Variants in LARGE1 observed in about 807,000 individuals in gnomAD.
The protein encoded by LARGE1 is xylosyl- and glucuronyltransferase LARGE1.
LARGE1 carries 43 observed loss-of-function variants against 87.6 expected under a neutral mutation model. The observed-to-expected ratio is 0.49, with a 90% CI of 0.38 to 0.63. The LOEUF (loss-of-function observed/expected upper bound fraction) is 0.63. Among genes scored for constraint, LARGE1 ranks in the 30% least tolerant of loss-of-function variants. The pLI, the probability that LARGE1 is intolerant of heterozygous loss-of-function variation, is 0.00. For synonymous variants in LARGE1, 434 were observed against 394.6 expected (o/e 1.10, Z -1.18); for missense variants, 802 against 1,000.2 (o/e 0.80, Z 2.67).
intron 1 of LARGE1, among the ~76,000 whole-genome samples, chr22:33,798,484 G>A (rs1033771109): frequency 6.6e-6 from 1 of 152,164 alleles, no homozygotes; most frequent in East Asian, 1.9e-4. Flanking sequence ...GGATCCCGAC[G>A]GCTTGAAAGG....
intron 5 of LARGE1, among the ~76,000 whole-genome samples, chr22:33,575,799 G>C (rs1239591166): frequency 6.6e-6 from 1 of 152,126 alleles, no homozygotes; most frequent in Non-Finnish European, 1.5e-5. Flanking sequence ...ATGTGATCGT[G>C]GATCTACAGA....
At chr22:33,834,655 G>C (rs1168252127) in intron 1 of LARGE1, among the ~76,000 whole-genome samples, 1 of 152,152 alleles carries the variant, frequency 6.6e-6, no homozygotes, top group East Asian at 1.9e-4. Context: ...AAGCCTGTTT[G>C]GTGGTCTCTT....
chr22:33,128,070 C>A, the LARGE1 span, among the ~76,000 whole-genome samples: 1 of 151,998 alleles, frequency 6.6e-6, no homozygotes, highest in Non-Finnish European at 1.5e-5. Flanking sequence ...AGAGAAAAAC[C>A]TTTTTTAAAT....
At position 33,823,517 on chromosome 22, in the gene LARGE1, C is replaced by T. The variant is rs551411015; in HGVS notation, c.-82-61959G>A. On this transcript the variant is annotated intron_variant, in intron 1 of 14. Transcript: ENST00000397394. ...ATCTAAGTTTACATGGAACTTGTAA[C>T]TGGAAAAGGAAATGAGGTCCAGCCA... Among the ~76,000 whole-genome samples the T allele has an allele frequency of 2.0e-5, 3 of 152,158 alleles. No individual in the cohort carries two copies. In the South Asian group the frequency reaches 6.2e-4, roughly 32 times the overall value.
chr22:33,079,388 C>T, the LARGE1 span, among the ~76,000 whole-genome samples: 19 of 151,668 alleles, frequency 1.3e-4, no homozygotes, highest in Admixed American at 3.3e-4. Flanking sequence ...CCACCACGCC[C>T]GGATAATTTT....
chr22:33,469,145 T>C lies in LARGE1; in HGVS notation c.788-36880A>G, dbSNP rs116152950. Among the ~76,000 whole-genome samples, 832 of 152,308 alleles carry C rather than the reference T, an allele frequency of 5.5e-3. 7 individuals carry two copies. The highest frequency in any genetic ancestry group is 0.018 in the African/African-American group (740 of 41,562). On this transcript the variant is annotated intron_variant, in intron 6 of 14. Transcript: ENST00000397394. ...CAGCTGGGCAATTTCTCAAAGAAAT[T>C]AGAACTACCATTCAACCCAGCAATC...
intron 9 of LARGE1, among the ~76,000 whole-genome samples, chr22:33,378,992 G>T (rs1288730393): frequency 6.6e-6 from 1 of 152,140 alleles, no homozygotes; most frequent in East Asian, 1.9e-4. Context: ...AAATATGGGG[G>T]TGTGGGGTGA....
intron 6 of LARGE1, among the ~76,000 whole-genome samples, chr22:33,533,994 A>G (rs2076970222): frequency 6.9e-6 from 1 of 145,946 alleles, no homozygotes; most frequent in Non-Finnish European, 1.5e-5. Context: ...CTTTTTTATT[A>G]GAGCTTTTCC....
intron 9 of LARGE1, among the ~76,000 whole-genome samples, chr22:33,376,336 C>T (rs553427462): frequency 1.3e-5 from 2 of 152,222 alleles, no homozygotes; most frequent in African/African-American, 4.8e-5. Flanking sequence ...TAGAACTCTT[C>T]TAGATTTCTA....
At chr22:33,089,051 A>AGTTC in the LARGE1 span, among the ~76,000 whole-genome samples, 2 of 152,186 alleles carry the variant, frequency 1.3e-5, no homozygotes, top group African/African-American at 4.8e-5. Context: ...CTTCCTCACG[A>AGTTC]GTTCCTCTGG....
intron 9 of LARGE1, among the ~76,000 whole-genome samples, chr22:33,348,147 C>T (rs1405054296): frequency 6.6e-6 from 1 of 152,108 alleles, no homozygotes; most frequent in Non-Finnish European, 1.5e-5. Flanking sequence ...GGGGACTATT[C>T]TGAAACACAG....
At chr22:33,310,921 C>T (rs987658549) in intron 11 of LARGE1, among the ~76,000 whole-genome samples, 9 of 151,338 alleles carry the variant, frequency 5.9e-5, no homozygotes, top group Admixed American at 2.0e-4. Flanking sequence ...AAGGGAAGAC[C>T]GCTATGGTTG....
chr22:33,888,646 A>T (rs2064924012), intron 1 of LARGE1, among the ~76,000 whole-genome samples: 1 of 152,202 alleles, frequency 6.6e-6, no homozygotes. Context: ...ACCTGAGATC[A>T]GGACTTAGAA....
the LARGE1 span, among the ~76,000 whole-genome samples, chr22:33,139,615 C>T: frequency 6.6e-6 from 1 of 152,078 alleles, no homozygotes; most frequent in Non-Finnish European, 1.5e-5. Flanking sequence ...TACTTTTTAA[C>T]TCCAAAACTT....
Position 33,378,126 on chromosome 22 carries a change from C to A in LARGE1, c.1131+3793G>T, listed in dbSNP as rs114990359. Among the ~76,000 whole-genome samples, 275 of 152,262 alleles carry A rather than the reference C, an allele frequency of 1.8e-3. 1 individual carries two copies. Among genetic ancestry groups the A allele is most frequent in the African/African-American group, 6.4e-3 (264 of 41,564 alleles). On this transcript the variant is annotated intron_variant, in intron 9 of 14. Coordinates refer to ENST00000397394, the MANE Select transcript of LARGE1 (RefSeq NM_133642.5). ...CCTGAGAACCTTGCTTTCCTTGTAA[C>A]TTCCCCTAAAAAATTCTGAAGACTT... is the stretch of plus-strand genomic sequence containing the variant.
chr22:33,737,693 G>A (rs2083706436), intron 2 of LARGE1: 1 of 152,170 alleles, frequency 6.6e-6, no homozygotes, highest in Non-Finnish European at 1.5e-5. Flanking sequence ...GGAAGTGGGT[G>A]GAGCTTTCAC....
At chr22:33,570,408 T>C (rs1043561890) in intron 5 of LARGE1, among the ~76,000 whole-genome samples, 1 of 151,936 alleles carries the variant, frequency 6.6e-6, no homozygotes, top group South Asian at 2.1e-4. Flanking sequence ...TATGTTTCTG[T>C]AAAAAATGAG....
chr22:33,253,615 G>A (rs967518121), intron 11 of LARGE1, among the ~76,000 whole-genome samples: 1 of 152,232 alleles, frequency 6.6e-6, no homozygotes, highest in African/African-American at 2.4e-5. Context: ...GGGAGGCTGA[G>A]GCAGGAGAAT....
chr22:33,305,618 C>A (rs1377077738), intron 11 of LARGE1: 5 of 984,992 alleles, frequency 5.1e-6, no homozygotes, highest in Non-Finnish European at 6.0e-6. Context: ...CCATGCATTT[C>A]CATGCTTCTA....
Sources: gnomAD v4.1 joint callset for allele counts (sites outside exome capture counted in the v4.1 genomes callset) on GRCh38, gnomAD v4.1.1 for gene constraint, MANE v1.5 for transcripts, NCBI Gene and HGNC (gene_info 2026-07-23, HGNC 2026-07-21) for gene names.